The following SRGAP3 variants were observed in gnomAD, a reference collection of about 807,000 sequenced individuals.
The protein encoded by SRGAP3 is SLIT-ROBO Rho GTPase activating protein 3, also known as SLIT-ROBO Rho GTPase-activating protein 3.
In SRGAP3, 39 loss-of-function variants were observed where a neutral mutation model predicts 121.1. The ratio of observed to expected loss-of-function variants is 0.32; its 90% CI spans 0.25 to 0.42. The LOEUF (loss-of-function observed/expected upper bound fraction) is 0.42, where lower values mean the gene tolerates loss of function less well. SRGAP3 is among the 10% of genes least tolerant of loss of function. The pLI is 1.00. For missense variants in SRGAP3, 1,213 were observed against 1,470.6 expected, an observed-to-expected ratio of 0.82 and a Z score of 2.86; for synonymous variants, 601 against 570.0, an observed-to-expected ratio of 1.05 and a Z score of -0.77.
chr3:9,155,558 T>C (rs1404826502), intron 1 of SRGAP3, among the ~76,000 whole-genome samples: 1 of 152,166 alleles, frequency 6.6e-6, no homozygotes, highest in Non-Finnish European at 1.5e-5. Context: ...TTCCTGTGTC[T>C]CTTAACTAAT....
intron 1 of SRGAP3, among the ~76,000 whole-genome samples, chr3:9,213,640 C>T (rs1952518938): frequency 6.6e-6 from 1 of 152,174 alleles, no homozygotes; most frequent in African/African-American, 2.4e-5. Flanking sequence ...CTTTCTAAAC[C>T]AGAAAATTGG....
intron 14 of SRGAP3, among the ~76,000 whole-genome samples, chr3:9,016,924 A>G (rs1943667240): frequency 6.6e-6 from 1 of 152,158 alleles, no homozygotes. Context: ...ACCCATTACC[A>G]TCACTATTTT....
intron 3 of SRGAP3, among the ~76,000 whole-genome samples, chr3:9,274,746 A>G (rs115356285): frequency 6.6e-6 from 1 of 152,296 alleles, no homozygotes; most frequent in African/African-American, 2.4e-5. Flanking sequence ...GGAGCTGAAA[A>G]GGTGACAGAG....
At chr3:9,002,806 T>A (rs1942844022) in intron 18 of SRGAP3, among the ~76,000 whole-genome samples, 1 of 152,050 alleles carries the variant, frequency 6.6e-6, no homozygotes, top group Non-Finnish European at 1.5e-5. Context: ...AGAAGTACTA[T>A]GAACAATTAT....
At chr3:9,262,436 C>T (rs1954272269) in intron 3 of SRGAP3, among the ~76,000 whole-genome samples, 1 of 148,262 alleles carries the variant, frequency 6.7e-6, no homozygotes, top group Non-Finnish European at 1.5e-5. Context: ...AGTCAAGACC[C>T]ATCGGTGTGC....
chr3:9,011,041 GTT>G (rs33924497), intron 17 of SRGAP3, among the ~76,000 whole-genome samples: 2,157 of 151,460 alleles, frequency 0.014, 48 homozygotes, highest in African/African-American at 0.05. Flanking sequence ...TAATCAGCCA[GTT>G]TTTTTTTTAT....
At chr3:9,205,632 A>G (rs1480640142) in intron 1 of SRGAP3, among the ~76,000 whole-genome samples, 1 of 152,230 alleles carries the variant, frequency 6.6e-6, no homozygotes, top group Non-Finnish European at 1.5e-5. Context: ...CCCTGTGCTC[A>G]AGCAAACCAG....
intron 1 of SRGAP3, among the ~76,000 whole-genome samples, chr3:9,333,713 C>T (rs921483372): frequency 3.9e-5 from 6 of 152,154 alleles, no homozygotes; most frequent in Admixed American, 2.0e-4. Flanking sequence ...TCTCTGTAAG[C>T]ATCTGATCTG....
intron 9 of SRGAP3, chr3:9,049,396 A>G (rs1464657889): frequency 6.6e-6 from 3 of 455,972 alleles, no homozygotes; most frequent in Non-Finnish European, 1.3e-5. Flanking sequence ...AGCACTTGAC[A>G]GTTTTCACAC....
At chr3:9,279,709 T>C (rs1253928910) in intron 3 of SRGAP3, among the ~76,000 whole-genome samples, 2 of 151,858 alleles carry the variant, frequency 1.3e-5, no homozygotes, top group Admixed American at 6.6e-5. Flanking sequence ...GAGACGGGGT[T>C]TCACCATCTT....
chr3:9,229,872 C>T (rs910952793), intron 1 of SRGAP3, among the ~76,000 whole-genome samples: 1 of 152,210 alleles, frequency 6.6e-6, no homozygotes, highest in Admixed American at 6.5e-5. Context: ...GTTCTCTCTG[C>T]CACAGGATTC....
intron 3 of SRGAP3, among the ~76,000 whole-genome samples, chr3:9,267,277 T>A (rs1465505802): frequency 1.3e-5 from 2 of 152,138 alleles, no homozygotes; most frequent in African/African-American, 2.4e-5. Flanking sequence ...TTGTTAATTG[T>A]GCCCAGGATT....
At chr3:9,357,217 C>T (rs2030562709) in intron 1 of SRGAP3, among the ~76,000 whole-genome samples, 1 of 152,112 alleles carries the variant, frequency 6.6e-6, no homozygotes, top group South Asian at 2.1e-4. Flanking sequence ...TGCACTCCAG[C>T]CTGGGCAACA....
At chr3:9,049,484 A>G (rs1223889721) in intron 9 of SRGAP3, 2 of 455,964 alleles carry the variant, frequency 4.4e-6, no homozygotes, top group African/African-American at 4.0e-5. Context: ...CCAGAAGGAA[A>G]CAGAAGCTCA....
At chr3:9,247,396 T>G (rs888439314) in intron 1 of SRGAP3, among the ~76,000 whole-genome samples, 4 of 152,148 alleles carry the variant, frequency 2.6e-5, no homozygotes, top group African/African-American at 7.2e-5. Context: ...CCTCTTGCCC[T>G]AGGATATGCC....
intron 1 of SRGAP3, among the ~76,000 whole-genome samples, chr3:9,229,439 C>G (rs1028233171): frequency 6.6e-6 from 1 of 152,172 alleles, no homozygotes; most frequent in Non-Finnish European, 1.5e-5. Context: ...AGCTGAGATT[C>G]AGGTGTGGGC....
At chr3:9,167,020 T>C (rs1950810660) in intron 1 of SRGAP3, among the ~76,000 whole-genome samples, 1 of 152,142 alleles carries the variant, frequency 6.6e-6, no homozygotes, top group African/African-American at 2.4e-5. Context: ...CTGACTCAAC[T>C]ATCCCTGTTC....
chr3:9,079,323 C>T (rs1320953651), intron 4 of SRGAP3, among the ~76,000 whole-genome samples: 2 of 152,180 alleles, frequency 1.3e-5, no homozygotes, highest in Non-Finnish European at 1.5e-5. Context: ...ATGGGGTCCC[C>T]ACATTCCTCT....
intron 3 of SRGAP3, among the ~76,000 whole-genome samples, chr3:9,313,621 G>A (rs1955288700): frequency 6.6e-6 from 1 of 151,842 alleles, no homozygotes; most frequent in Non-Finnish European, 1.5e-5. Context: ...AGGTTGCAGT[G>A]AGCCAAGATT....
Sources: allele counts gnomAD v4.1 joint callset (sites outside exome capture counted in the v4.1 genomes callset), GRCh38; gene constraint gnomAD v4.1.1; transcripts MANE v1.5; gene names NCBI Gene and HGNC (gene_info 2026-07-23, HGNC 2026-07-21).